The following CSN1S1 variants were observed in gnomAD, a reference collection of about 807,000 sequenced individuals.
CSN1S1 encodes the protein casein alpha s1.
CSN1S1 carries 63 observed loss-of-function variants against 49.1 expected under a neutral mutation model. That is an observed-to-expected ratio of 1.28 (90% CI 1.05 to 1.58). The LOEUF is 1.58. CSN1S1 is among the 40% of genes most tolerant of loss of function. The pLI, the probability that CSN1S1 is intolerant of heterozygous loss-of-function variation, is 0.00. For synonymous variants in CSN1S1, 78 were observed against 67.1 expected, an observed-to-expected ratio of 1.16 and a Z score of -0.79; for missense variants, 260 against 224.7, an observed-to-expected ratio of 1.16 and a Z score of -1.01.
At chr4:69,941,383 C>T (rs1314936113) in intron 12 of CSN1S1, among the ~76,000 whole-genome samples, 3 of 151,780 alleles carry the variant, frequency 2.0e-5, no homozygotes, top group African/African-American at 4.8e-5. Flanking sequence ...CACAAATATG[C>T]TTACCTGTGA....
At position 69,942,015 on chromosome 4, in the gene CSN1S1, A is replaced by G. The variant is rs558584543; in HGVS notation, c.343-31A>G. On this transcript the variant is annotated intron_variant, in intron 12 of 15. Coordinates refer to ENST00000246891, the MANE Select transcript of CSN1S1 (RefSeq NM_001890.2). ...TTATTAATGAGTAAATAAAATGAAAATACTAAAACAGAATGTTTTCTCCTC... is the reference window on the plus strand; with the variant it reads ...TTATTAATGAGTAAATAAAATGAAAGTACTAAAACAGAATGTTTTCTCCTC... The G allele has an allele frequency of 1.1e-5, 15 of 1,394,804 alleles. No homozygotes were observed. In the South Asian group the frequency reaches 2.3e-4, roughly 21 times the overall value. 86.4% of individuals were successfully genotyped at this position (1,394,804 alleles called of 1,614,324 possible).
chr4:69,940,510 G>A (rs1560389491), intron 11 of CSN1S1, among the ~76,000 whole-genome samples: 2 of 151,746 alleles, frequency 1.3e-5, no homozygotes, highest in East Asian at 3.9e-4. Context: ...ATGTGATGTT[G>A]AACCGTTCAC....
intron 12 of CSN1S1, 76 bp from the exon 13 acceptor site, chr4:69,941,970 A>G: frequency 1.1e-6 from 1 of 898,268 alleles, no homozygotes; most frequent in Non-Finnish European, 1.7e-6. Flanking sequence ...GAACAAATGA[A>G]GGTACCCAGC....
intron 11 of CSN1S1, 121 bp from the exon 12 acceptor site, chr4:69,940,898 T>C (rs377090431): frequency 7.3e-6 from 4 of 546,998 alleles, no homozygotes; most frequent in East Asian, 3.5e-5. Flanking sequence ...TCAGGTGTAA[T>C]AGTTCCTCAT....
intron 8 of CSN1S1, 82 bp from the exon 9 acceptor site, chr4:69,937,718 A>G: frequency 9.3e-7 from 1 of 1,077,086 alleles, no homozygotes; most frequent in Non-Finnish European, 1.4e-6. Context: ...TTTCTTTGAC[A>G]TCCATTTTAT....
At chr4:69,940,871 T>TG in intron 11 of CSN1S1, 148 bp from the exon 12 acceptor site, 1 of 461,390 alleles carries the variant, frequency 2.2e-6, no homozygotes, top group Non-Finnish European at 4.0e-6. Flanking sequence ...CCAAATTATT[T>TG]GGGGTAGAAA....
chr4:69,935,645 A>G (rs906095057), intron 4 of CSN1S1, among the ~76,000 whole-genome samples: 1 of 152,060 alleles, frequency 6.6e-6, no homozygotes, highest in Admixed American at 6.6e-5. Context: ...AGATATGTAT[A>G]TGTTAAAGAG....
chr4:69,932,049 C>T (rs934364326), intron 1 of CSN1S1, among the ~76,000 whole-genome samples: 1 of 151,706 alleles, frequency 6.6e-6, no homozygotes, highest in African/African-American at 2.4e-5. Context: ...CATGAAGACT[C>T]TAAAAGAAAA....
At chr4:69,934,148 T>C in intron 2 of CSN1S1, 64 bp from the exon 3 acceptor site, 1 of 1,265,214 alleles carries the variant, frequency 7.9e-7, no homozygotes, top group Non-Finnish European at 1.1e-6. Context: ...ATATGTGTAT[T>C]ATTATATTGT....
intron 2 of CSN1S1, among the ~76,000 whole-genome samples, chr4:69,933,161 C>T (rs1322145315): frequency 6.6e-6 from 1 of 150,770 alleles, no homozygotes; most frequent in Non-Finnish European, 1.5e-5. Context: ...TCACTGTAGA[C>T]AATGAAACTA....
chr4:69,940,141 A>T, intron 11 of CSN1S1, 97 bp downstream of exon 11: 1 of 536,714 alleles, frequency 1.9e-6, no homozygotes, highest in Non-Finnish European at 3.1e-6. Flanking sequence ...ACACACACAC[A>T]CACACACACG....
At chr4:69,943,204 A>G (rs894690041) in intron 14 of CSN1S1, among the ~76,000 whole-genome samples, 1 of 142,718 alleles carries the variant, frequency 7.0e-6, no homozygotes, top group Admixed American at 7.2e-5. Context: ...TATTATTATT[A>G]GACAGATTCT....
intron 1 of CSN1S1, 115 bp from the exon 2 acceptor site, chr4:69,932,429 A>C (rs1005033308): frequency 1.2e-6 from 1 of 805,288 alleles, no homozygotes; most frequent in Non-Finnish European, 2.0e-6. Context: ...ACAGCTCCTC[A>C]AATCAGCCTA....
intron 3 of CSN1S1, 147 bp downstream of exon 3, chr4:69,934,391 C>A: frequency 1.3e-6 from 1 of 772,520 alleles, no homozygotes; most frequent in Non-Finnish European, 2.1e-6. Context: ...ATGGTATTTG[C>A]TCTCACAAAA....
At chr4:69,943,317 T>A (rs1723039020) in intron 14 of CSN1S1, among the ~76,000 whole-genome samples, 2 of 151,528 alleles carry the variant, frequency 1.3e-5, no homozygotes, top group Non-Finnish European at 2.9e-5. Context: ...CCAAAGTAGG[T>A]GGGATTACCG....
In CSN1S1 at chr4:69,942,052, GC is replaced by G; in HGVS notation, c.352del (p.His118MetfsTer9). 2 of 1,473,308 alleles carry G rather than the reference GC, an allele frequency of 1.4e-6. No homozygotes were observed. Among genetic ancestry groups the G allele is most frequent in the Non-Finnish European group, 9.2e-7 (1 of 1,091,384 alleles). 91.3% of individuals were successfully genotyped at this position (1,473,308 alleles called of 1,614,324 possible). On this transcript the variant is annotated frameshift_variant, in exon 13 of 16. Transcript: ENST00000246891. LOFTEE classifies it high-confidence loss of function. ...NEYNQLQLQAAHAQEQIRRMN... is the reference protein window; with the variant it reads ...NEYNQLQLQAXHAQEQIRRMN... ...AATGTTTTCTCCTCCCTAGCAAGCT[GC>G]CCATGCCCAGGTGAGATTATTTATT...
At chr4:69,942,394 C>T in intron 13 of CSN1S1, 142 bp from the exon 14 acceptor site, 1 of 729,584 alleles carries the variant, frequency 1.4e-6, no homozygotes, top group South Asian at 2.0e-5. Flanking sequence ...AGTGTTTTGA[C>T]ATTTTTTGCT....
chr4:69,933,307 C>T (rs1221690251), intron 2 of CSN1S1, among the ~76,000 whole-genome samples: 1 of 151,952 alleles, frequency 6.6e-6, no homozygotes, highest in African/African-American at 2.4e-5. Flanking sequence ...ACAGGAATCA[C>T]CTGACTGGAA....
Position 69,935,911 on chromosome 4 carries a change from C to CTTT in CSN1S1, c.106-7_106-5dup. 1 of 1,308,444 alleles carries CTTT rather than the reference C, an allele frequency of 7.6e-7. No individual in the cohort carries two copies. The highest frequency in any genetic ancestry group is 2.3e-5 in the Admixed American group (1 of 43,504). 81.1% of individuals were successfully genotyped at this position (1,308,444 alleles called of 1,614,324 possible). A position where few individuals can be genotyped will look rare whatever the true frequency, so the allele number is the denominator to read the frequency against. On this transcript the variant is annotated splice_polypyrimidine_tract_variant and intron_variant, in intron 4 of 15. Transcript: ENST00000246891. ...CAACTATGAATGAATTTTAACATAACTTTTTTTTTTGTAGCCTATACCATT... is the reference window on the plus strand; with the variant it reads ...CAACTATGAATGAATTTTAACATAACTTTTTTTTTTTTTGTAGCCTATACCATT...
Sources: allele counts gnomAD v4.1 joint callset (sites outside exome capture counted in the v4.1 genomes callset), GRCh38; gene constraint gnomAD v4.1.1; transcripts MANE v1.5; gene names NCBI Gene and HGNC (gene_info 2026-07-23, HGNC 2026-07-21).